The following PPFIA1 variants were observed in gnomAD, a reference collection of about 807,000 sequenced individuals.
PPFIA1 encodes liprin-alpha-1.
PPFIA1 carries 25 observed loss-of-function variants against 149.9 expected under a neutral mutation model. That is an observed-to-expected ratio of 0.17 (90% confidence interval 0.12 to 0.23). The LOEUF is 0.23. Among genes scored for constraint, PPFIA1 ranks in the 10% least tolerant of loss-of-function variants. The pLI is 1.00. For missense variants in PPFIA1, 1,362 were observed against 1,506.5 expected (o/e 0.90, Z 1.59); for synonymous variants, 549 against 552.8 (o/e 0.99, Z 0.10).
intron 18 of PPFIA1, 98 bp downstream of exon 18, chr11:70,355,909 T>C (rs945524530): frequency 6.9e-7 from 1 of 1,444,772 alleles, no homozygotes; most frequent in African/African-American, 1.4e-5. Context: ...CCAGGAGCCG[T>C]GTGCTCTCCA....
chr11:70,367,474 A>G (rs2057000038), intron 21 of PPFIA1: 1 of 455,116 alleles, frequency 2.2e-6, no homozygotes, highest in African/African-American at 2.0e-5. Context: ...CTCCCATTTT[A>G]TGGAGTTCAT....
chr11:70,321,781 A>G (rs2053959948), intron 2 of PPFIA1, among the ~76,000 whole-genome samples: 1 of 152,250 alleles, frequency 6.6e-6, no homozygotes, highest in African/African-American at 2.4e-5. Flanking sequence ...GAGGGGCACA[A>G]TGATAAAATT....
At chr11:70,313,304 G>T (rs1385774027) in intron 2 of PPFIA1, among the ~76,000 whole-genome samples, 2 of 152,198 alleles carry the variant, frequency 1.3e-5, no homozygotes, top group Non-Finnish European at 2.9e-5. Flanking sequence ...ACAGAAGTGT[G>T]TGTTATGACT....
Position 70,326,581 on chromosome 11 carries a change from T to A in PPFIA1, c.709-16T>A, listed in dbSNP as rs1466653941. The A allele has an allele frequency of 6.3e-7, 1 of 1,583,980 alleles. No individual in the cohort carries two copies. The highest frequency in any genetic ancestry group is 8.6e-7 in the Non-Finnish European group (1 of 1,162,426). ...CCAAACAAGGGTATTTAAGGATTTT[T>A]TTTTCCCCCTATCAGAGATCTTCTG... On this transcript the variant is annotated splice_polypyrimidine_tract_variant and intron_variant, in intron 6 of 27. Transcript: ENST00000253925.
At chr11:70,335,785 T>G in intron 11 of PPFIA1, 91 bp downstream of exon 11, 1 of 1,414,238 alleles carries the variant, frequency 7.1e-7, no homozygotes, top group Admixed American at 2.0e-5. Context: ...GTAACAGTGG[T>G]TAGCAGCTGT....
chr11:70,292,876 C>G (rs773129557), intron 2 of PPFIA1, among the ~76,000 whole-genome samples: 12 of 152,326 alleles, frequency 7.9e-5, no homozygotes, highest in Middle Eastern at 3.4e-3. Context: ...CCCTCTGCCC[C>G]CTTATAGTAT....
At chr11:70,337,591 T>C (rs1480028309) in intron 12 of PPFIA1, among the ~76,000 whole-genome samples, 164 bp downstream of exon 12, 2 of 152,190 alleles carry the variant, frequency 1.3e-5, no homozygotes, top group Non-Finnish European at 2.9e-5. Context: ...TGAATGCCTT[T>C]GTATTTCAGG....
chr11:70,282,856 T>TA (rs1247058174), intron 2 of PPFIA1, among the ~76,000 whole-genome samples: 4 of 127,882 alleles, frequency 3.1e-5, no homozygotes, highest in Non-Finnish European at 4.8e-5. Flanking sequence ...TTTTTTTTTT[T>TA]AAGAAGGAAT....
At chr11:70,290,584 A>C (rs1036521867) in intron 2 of PPFIA1, among the ~76,000 whole-genome samples, 1 of 152,154 alleles carries the variant, frequency 6.6e-6, no homozygotes, top group Non-Finnish European at 1.5e-5. Flanking sequence ...ACTTGGATTG[A>C]GGTTCTCTTG....
chr11:70,318,565 C>G (rs2053764468), intron 2 of PPFIA1, among the ~76,000 whole-genome samples: 1 of 152,238 alleles, frequency 6.6e-6, no homozygotes, highest in Non-Finnish European at 1.5e-5. Flanking sequence ...CTTCTCCAGC[C>G]ACTGCACTGT....
chr11:70,331,544 C>A (rs1396287041), intron 8 of PPFIA1, among the ~76,000 whole-genome samples: 2 of 152,134 alleles, frequency 1.3e-5, no homozygotes, highest in Non-Finnish European at 2.9e-5. Flanking sequence ...CTTTGGGAGG[C>A]TGAGGCGGGT....
At chr11:70,359,973 G>T (rs2056553201) in intron 19 of PPFIA1, among the ~76,000 whole-genome samples, 1 of 152,228 alleles carries the variant, frequency 6.6e-6, no homozygotes, top group African/African-American at 2.4e-5. Context: ...GAAAACAGGG[G>T]CTCTGGTGTT....
intron 26 of PPFIA1, chr11:70,378,508 G>C (rs1408007254): frequency 9.6e-7 from 1 of 1,038,548 alleles, no homozygotes; most frequent in Admixed American, 5.1e-5. Context: ...TCTGTGACAG[G>C]CCGTGCTAGA....
At chr11:70,382,028 ATGT>A in intron 26 of PPFIA1, 57 bp from the exon 27 acceptor site, 1 of 1,462,098 alleles carries the variant, frequency 6.8e-7, no homozygotes. Context: ...CCCTCATGTG[ATGT>A]TCTAAGACTA....
In PPFIA1 at chr11:70,333,466, A is replaced by G. The variant is rs199942789; in HGVS notation, c.1213-4A>G. On this transcript the variant is annotated splice_region_variant and splice_polypyrimidine_tract_variant and intron_variant, in intron 9 of 27. Coordinates refer to ENST00000253925, the MANE Select transcript of PPFIA1 (RefSeq NM_003626.5). The stretch of plus-strand genomic sequence containing the variant: ...ACGTCAGCGTACGCTGTTTCTGCTG[A>G]CAGGCTGAAGAGAGACACGGCAACA... 19 of 1,611,698 alleles carry G rather than the reference A, an allele frequency of 1.2e-5. No individual in the cohort carries two copies. In the East Asian group the frequency reaches 4.0e-4, roughly 34 times the overall value.
At chr11:70,331,872 G>A in intron 8 of PPFIA1, 88 bp from the exon 9 acceptor site, 1 of 1,417,630 alleles carries the variant, frequency 7.1e-7, no homozygotes, top group Non-Finnish European at 9.5e-7. Flanking sequence ...CTCTTAGTCT[G>A]TATCTGCATT....
At chr11:70,305,550 T>C (rs1041763784) in intron 2 of PPFIA1, among the ~76,000 whole-genome samples, 4 of 152,148 alleles carry the variant, frequency 2.6e-5, no homozygotes, top group African/African-American at 2.4e-5. Flanking sequence ...TTTTTAATTT[T>C]TGTAGAGATG....
chr11:70,348,898 A>G (rs1353212204), intron 16 of PPFIA1, among the ~76,000 whole-genome samples: 1 of 152,190 alleles, frequency 6.6e-6, no homozygotes, highest in African/African-American at 2.4e-5. Context: ...ATATAAAAAA[A>G]AATTTTAATA....
At chr11:70,360,976 G>T (rs927300209) in intron 19 of PPFIA1, among the ~76,000 whole-genome samples, 1 of 152,120 alleles carries the variant, frequency 6.6e-6, no homozygotes, top group Non-Finnish European at 1.5e-5. Context: ...AGCCTTGTAG[G>T]TAAACACTTG....
Sources: gnomAD v4.1 joint callset for allele counts (sites outside exome capture counted in the v4.1 genomes callset) on GRCh38, gnomAD v4.1.1 for gene constraint, MANE v1.5 for transcripts, NCBI Gene and HGNC (gene_info 2026-07-23, HGNC 2026-07-21) for gene names.